SLC35G2: variants seen among roughly 807,000 people sequenced by gnomAD.
SLC35G2 encodes the protein solute carrier family 35 member G2, also known as transmembrane protein 22.
Under a neutral mutation model 27.2 loss-of-function variants are expected in SLC35G2, and 20 were observed. The observed-to-expected ratio is 0.74, with a 90% CI of 0.52 to 1.07. SLC35G2 has a LOEUF of 1.07. Among genes scored for constraint, SLC35G2 ranks in the 50% least tolerant of loss-of-function variants. The pLI is 0.00. For synonymous variants in SLC35G2, 148 were observed against 165.3 expected (o/e 0.90, Z 0.80); for missense variants, 416 against 493.3 (o/e 0.84, Z 1.48).
chr3:136,848,504 A>G (rs577132470), intron 1 of SLC35G2, among the ~76,000 whole-genome samples: 172 of 152,306 alleles, frequency 1.1e-3, no homozygotes, highest in African/African-American at 4.0e-3. Flanking sequence ...CTGAAGCCCC[A>G]GCTACTTAGG....
At position 136,855,805 on chromosome 3, in the gene SLC35G2, A is replaced by G; in HGVS notation, c.*106A>G. The G allele has an allele frequency of 1.2e-6, 1 of 816,182 alleles. No homozygotes were observed. The allele number at this position is 816,182 out of a possible 1,614,324, so 50.6% of individuals were successfully genotyped here. On this transcript the variant is annotated 3_prime_UTR_variant, in exon 2 of 2. Transcript: ENST00000446465. ...TGTTATATAACTGACAGAGTGCTAT[A>G]AAATATATAATATATACAAATGCAG...
chr3:136,850,693 T>TA (rs112737116), intron 1 of SLC35G2, among the ~76,000 whole-genome samples: 66 of 146,692 alleles, frequency 4.5e-4, no homozygotes, highest in Middle Eastern at 3.6e-3. Flanking sequence ...GTTGTTGAAT[T>TA]AAAAAAAAAA....
chr3:136,855,183 T>G lies in SLC35G2; in HGVS notation c.723T>G (p.Ile241Met), dbSNP rs765191543. The G allele has an allele frequency of 5.6e-6, 9 of 1,614,034 alleles. No individual in the cohort carries two copies. In the Admixed American group the frequency reaches 8.3e-5, roughly 15 times the overall value. Residue 241 changes from isoleucine to methionine, a missense_variant, in exon 2 of 2, where the codon ATT (isoleucine) becomes ATG (methionine). By Grantham distance (10) the Ile-to-Met change is conservative. Transcript: ENST00000446465. Reference sequence around the variant, plus strand: ...TTTGTCTTGTCATGATCCCAAACATTGTTGATGAAGACAATTCTTTGTTAA... The same window carrying G: ...TTTGTCTTGTCATGATCCCAAACATGGTTGATGAAGACAATTCTTTGTTAA... Reference protein sequence around the residue: ...LGVCLVMIPNIVDEDNSLLNA... With the variant: ...LGVCLVMIPNMVDEDNSLLNA...
chr3:136,851,273 T>A (rs1483171697), intron 1 of SLC35G2, among the ~76,000 whole-genome samples: 1 of 151,374 alleles, frequency 6.6e-6, no homozygotes, highest in Admixed American at 6.6e-5. Context: ...GGTGGGCAGA[T>A]CACAAGGTCA....
At chr3:136,834,134 A>G (rs1486665357) in intron 1 of SLC35G2, among the ~76,000 whole-genome samples, 1 of 152,186 alleles carries the variant, frequency 6.6e-6, no homozygotes, top group Non-Finnish European at 1.5e-5. Context: ...TATTTAAAAA[A>G]ATATTACTAA....
At chr3:136,840,078 G>A (rs1005743847) in intron 1 of SLC35G2, among the ~76,000 whole-genome samples, 1 of 152,192 alleles carries the variant, frequency 6.6e-6, no homozygotes, top group African/African-American at 2.4e-5. Flanking sequence ...CTGGAATCCA[G>A]TATCCATTAC....
chr3:136,846,050 C>T (rs183334582), intron 1 of SLC35G2, among the ~76,000 whole-genome samples: 130 of 152,188 alleles, frequency 8.5e-4, no homozygotes, highest in African/African-American at 3.0e-3. Flanking sequence ...TGTGGGTGGG[C>T]ATCGTCCAAT....
chr3:136,831,395 G>A (rs1297812763), intron 1 of SLC35G2, among the ~76,000 whole-genome samples: 1 of 152,192 alleles, frequency 6.6e-6, no homozygotes, highest in Non-Finnish European at 1.5e-5. Flanking sequence ...TCCAGCATTT[G>A]TTGAGTCTTA....
chr3:136,827,805 C>A (rs1231570203), intron 1 of SLC35G2, among the ~76,000 whole-genome samples: 1 of 151,026 alleles, frequency 6.6e-6, no homozygotes, highest in African/African-American at 2.4e-5. Flanking sequence ...TACTTGTGGT[C>A]AGAGAAGATA....
intron 1 of SLC35G2, 116 bp from the exon 2 acceptor site, chr3:136,854,327 T>TC: frequency 1.5e-6 from 1 of 679,008 alleles, no homozygotes; most frequent in South Asian, 2.2e-5. Context: ...TTCTTTTTTT[T>TC]CTGGACTACT....
intron 1 of SLC35G2, among the ~76,000 whole-genome samples, chr3:136,825,277 G>A (rs1560009750): frequency 7.3e-6 from 1 of 137,162 alleles, no homozygotes; most frequent in Non-Finnish European, 1.5e-5. Flanking sequence ...GCCTTGCTCT[G>A]TTGTTCTGGC....
intron 1 of SLC35G2, among the ~76,000 whole-genome samples, chr3:136,845,546 T>A (rs554222936): frequency 2.6e-5 from 4 of 152,262 alleles, no homozygotes; most frequent in Non-Finnish European, 5.9e-5. Flanking sequence ...TCTCTAGTGG[T>A]TTAAAGCAGA....
At chr3:136,840,993 C>T (rs1410532484) in intron 1 of SLC35G2, among the ~76,000 whole-genome samples, 5 of 129,728 alleles carry the variant, frequency 3.9e-5, no homozygotes, top group Non-Finnish European at 6.3e-5. Context: ...TATAGTGATG[C>T]GATTTTGTTT....
chr3:136,849,443 G>C (rs908260330), intron 1 of SLC35G2, among the ~76,000 whole-genome samples: 3 of 142,074 alleles, frequency 2.1e-5, no homozygotes, highest in Non-Finnish European at 4.6e-5. Context: ...TGATTAATAA[G>C]TAAAGTTGAA....
At chr3:136,828,220 T>C (rs1253124128) in intron 1 of SLC35G2, among the ~76,000 whole-genome samples, 2 of 152,230 alleles carry the variant, frequency 1.3e-5, no homozygotes, top group African/African-American at 2.4e-5. Flanking sequence ...TCTGCAGCAG[T>C]TGGATGAAAT....
chr3:136,854,402 A>G, intron 1 of SLC35G2, 41 bp from the exon 2 acceptor site: 1 of 1,303,030 alleles, frequency 7.7e-7, no homozygotes, highest in Admixed American at 2.3e-5. Context: ...TAAATTTTCA[A>G]TGAAATGAAT....
At chr3:136,822,019 T>A (rs1242724534) in intron 1 of SLC35G2, among the ~76,000 whole-genome samples, 2 of 152,190 alleles carry the variant, frequency 1.3e-5, no homozygotes, top group Non-Finnish European at 2.9e-5. Flanking sequence ...GTACATGAGA[T>A]GTTTTGATAT....
intron 1 of SLC35G2, among the ~76,000 whole-genome samples, chr3:136,844,271 T>C (rs1937252336): frequency 6.9e-6 from 1 of 144,294 alleles, no homozygotes; most frequent in African/African-American, 2.6e-5. Flanking sequence ...GGGCGGATCA[T>C]GAGGTAAGGA....
At chr3:136,836,066 A>G (rs1936856636) in intron 1 of SLC35G2, among the ~76,000 whole-genome samples, 1 of 152,138 alleles carries the variant, frequency 6.6e-6, no homozygotes, top group South Asian at 2.1e-4. Context: ...AGGTGTGGTC[A>G]TTGCTACTGG....
Sources: gnomAD v4.1 joint callset for allele counts (sites outside exome capture counted in the v4.1 genomes callset) on GRCh38, gnomAD v4.1.1 for gene constraint, MANE v1.5 for transcripts, NCBI Gene and HGNC (gene_info 2026-07-23, HGNC 2026-07-21) for gene names.